ROBO1: variants seen among roughly 807,000 people sequenced by gnomAD.
ROBO1 encodes the protein roundabout homolog 1.
Under a neutral mutation model 195.9 loss-of-function variants are expected in ROBO1, and 149 were observed. That is an observed-to-expected ratio of 0.76 (90% CI 0.67 to 0.87). ROBO1 has a LOEUF of 0.87. Ranked by LOEUF, ROBO1 falls within the 40% of genes least tolerant of loss-of-function variation. The pLI is 0.00. For synonymous variants in ROBO1, 816 were observed against 733.2 expected (o/e 1.11, Z -1.82); for missense variants, 1,933 against 2,068.3 (o/e 0.93, Z 1.27).
intron 4 of ROBO1, among the ~76,000 whole-genome samples, chr3:78,789,554 T>C (rs2083954537): frequency 6.6e-6 from 1 of 152,186 alleles, no homozygotes; most frequent in Non-Finnish European, 1.5e-5. Context: ...CATTTTATGG[T>C]CTCAGAAATC....
intron 2 of ROBO1, among the ~76,000 whole-genome samples, chr3:79,209,437 G>T (rs934938324): frequency 2.0e-5 from 3 of 152,100 alleles, no homozygotes; most frequent in African/African-American, 7.2e-5. Flanking sequence ...TGTGAATCAT[G>T]CTTCTATAAA....
At chr3:79,019,044 A>G (rs1377523751) in intron 3 of ROBO1, 1 of 989,376 alleles carries the variant, frequency 1.0e-6, no homozygotes, top group Non-Finnish European at 1.2e-6. Context: ...GCGCGCAGAG[A>G]GCGAGCGAGG....
Position 79,632,623 on chromosome 3 carries a change from A to G in ROBO1, c.-50-42662T>C, listed in dbSNP as rs72909963. 6.6e-3 allele frequency among the ~76,000 whole-genome samples: 1,012 copies of G among 152,296 alleles called. 11 individuals are homozygous for G. The highest frequency in any genetic ancestry group is 0.023 in the African/African-American group (953 of 41,562). On this transcript the variant is annotated intron_variant, in intron 1 of 30. Transcript: ENST00000464233. The stretch of plus-strand genomic sequence containing the variant: ...ACCTGCAAATGTATCCCCTGAATCT[A>G]TTTTTGAAAAATCCAAAATGGATCA...
At chr3:78,666,922 C>A (rs917691148) in intron 14 of ROBO1, among the ~76,000 whole-genome samples, 1 of 152,008 alleles carries the variant, frequency 6.6e-6, no homozygotes, top group African/African-American at 2.4e-5. Context: ...GATAGAAACA[C>A]TATCCCTCTG....
At chr3:79,626,398 T>C (rs968059561) in intron 1 of ROBO1, among the ~76,000 whole-genome samples, 8 of 151,912 alleles carry the variant, frequency 5.3e-5, no homozygotes, top group African/African-American at 1.5e-4. Flanking sequence ...GATCGTGCCA[T>C]TGCACTCCAG....
intron 1 of ROBO1, among the ~76,000 whole-genome samples, chr3:79,614,512 G>A (rs959765114): frequency 1.6e-4 from 24 of 152,066 alleles, no homozygotes; most frequent in Non-Finnish European, 3.2e-4. Context: ...TGTGCTTAGC[G>A]ATGCCTCATG....
chr3:79,511,358 CAAGG>C (rs918218740), intron 2 of ROBO1, among the ~76,000 whole-genome samples: 6 of 152,130 alleles, frequency 3.9e-5, no homozygotes, highest in African/African-American at 1.2e-4. Flanking sequence ...TCTACTCACT[CAAGG>C]AAGAAAATTT....
intron 2 of ROBO1, among the ~76,000 whole-genome samples, chr3:79,303,026 CATTT>C (rs1320937911): frequency 1.3e-5 from 2 of 151,768 alleles, no homozygotes; most frequent in African/African-American, 2.4e-5. Context: ...AATATTTATT[CATTT>C]GTTTGTTCAT....
intron 4 of ROBO1, among the ~76,000 whole-genome samples, chr3:78,755,311 C>A (rs1259822417): frequency 2.0e-5 from 3 of 152,066 alleles, no homozygotes; most frequent in Admixed American, 6.5e-5. Context: ...CTACAAAAAA[C>A]AAAATGTACA....
intron 2 of ROBO1, among the ~76,000 whole-genome samples, chr3:79,215,768 T>C (rs1050098112): frequency 3.9e-5 from 6 of 152,208 alleles, no homozygotes; most frequent in Non-Finnish European, 7.3e-5. Context: ...TATTACAATA[T>C]TTTCCCCCTT....
chr3:78,675,620 G>C (rs558661824), intron 10 of ROBO1, among the ~76,000 whole-genome samples: 105 of 152,230 alleles, frequency 6.9e-4, no homozygotes, highest in Middle Eastern at 3.4e-3. Flanking sequence ...GGGGGAGGGG[G>C]GCCTGCCATT....
chr3:79,217,065 A>G (rs1486179495), intron 2 of ROBO1, among the ~76,000 whole-genome samples: 1 of 152,112 alleles, frequency 6.6e-6, no homozygotes, highest in Non-Finnish European at 1.5e-5. Context: ...CAATCTTTTC[A>G]TTCTCTTCAT....
intron 23 of ROBO1, chr3:78,634,287 AT>A (rs1705359345): frequency 5.7e-6 from 1 of 175,198 alleles, no homozygotes; most frequent in African/African-American, 2.4e-5. Context: ...AATCACAAAA[AT>A]GTCTGCAAAT....
At chr3:78,717,953 A>ACT in intron 5 of ROBO1, 70 bp from the exon 6 acceptor site, 1 of 1,459,996 alleles carries the variant, frequency 6.8e-7, no homozygotes, top group Non-Finnish European at 9.5e-7. Flanking sequence ...AGATGTCTTC[A>ACT]TAAGTGAAGA....
chr3:79,665,670 C>A (rs897669569), intron 1 of ROBO1, among the ~76,000 whole-genome samples: 20 of 151,854 alleles, frequency 1.3e-4, no homozygotes, highest in Middle Eastern at 3.4e-3. Flanking sequence ...AGAAATGTGG[C>A]TTAATGAAGG....
At chr3:79,708,087 T>G (rs369780928) in intron 1 of ROBO1, among the ~76,000 whole-genome samples, 3 of 152,144 alleles carry the variant, frequency 2.0e-5, no homozygotes, top group South Asian at 2.1e-4. Context: ...CTGTGGCATA[T>G]TGACCATTTT....
intron 1 of ROBO1, among the ~76,000 whole-genome samples, chr3:79,760,111 T>A (rs1704606668): frequency 6.6e-6 from 1 of 150,706 alleles, no homozygotes; most frequent in Non-Finnish European, 1.5e-5. Flanking sequence ...GTGGTGTGCA[T>A]CTGTAGTCCC....
chr3:78,674,784 T>C (rs909459551), intron 10 of ROBO1, among the ~76,000 whole-genome samples: 4 of 152,302 alleles, frequency 2.6e-5, no homozygotes, highest in Admixed American at 2.0e-4. Flanking sequence ...ATTATAAAAA[T>C]TGGAGATATT....
intron 2 of ROBO1, among the ~76,000 whole-genome samples, chr3:79,513,133 C>G (rs975842904): frequency 6.6e-5 from 10 of 152,062 alleles, no homozygotes; most frequent in African/African-American, 1.9e-4. Context: ...GAAATATCAG[C>G]AAACAAACCA....
Sources: allele counts gnomAD v4.1 joint callset (sites outside exome capture counted in the v4.1 genomes callset), GRCh38; gene constraint gnomAD v4.1.1; transcripts MANE v1.5; gene names NCBI Gene and HGNC (gene_info 2026-07-23, HGNC 2026-07-21).